GLRX5: variants seen among roughly 807,000 people sequenced by gnomAD.
GLRX5 encodes glutaredoxin 5, also known as glutaredoxin-related protein 5, mitochondrial.
GLRX5 carries 10 observed loss-of-function variants against 13.8 expected under a neutral mutation model. That is an observed-to-expected ratio of 0.72 (90% CI 0.45 to 1.23). The LOEUF (loss-of-function observed/expected upper bound fraction) is 1.23, where lower values mean the gene tolerates loss of function less well. Among genes scored for constraint, GLRX5 ranks in the 50% most tolerant of loss-of-function variants. GLRX5 has a pLI of 0.00. For missense variants in GLRX5, 233 were observed against 215.2 expected (o/e 1.08, Z -0.52); for synonymous variants, 98 against 101.1 (o/e 0.97, Z 0.18).
intron 1 of GLRX5, among the ~76,000 whole-genome samples, chr14:95,538,401 A>G (rs1478016876): frequency 2.6e-5 from 4 of 152,228 alleles, no homozygotes; most frequent in Admixed American, 2.6e-4. Context: ...AAATAACCAT[A>G]TCCTGTTGTT....
intron 1 of GLRX5, among the ~76,000 whole-genome samples, chr14:95,535,755 T>A (rs998343399): frequency 6.6e-6 from 1 of 152,138 alleles, no homozygotes; most frequent in Non-Finnish European, 1.5e-5. Context: ...AGGAAACTCA[T>A]AGTAAGGACC....
At chr14:95,543,200 T>G (rs1758189097) in intron 1 of GLRX5, 2 of 455,958 alleles carry the variant, frequency 4.4e-6, no homozygotes, top group Middle Eastern at 3.3e-4. Flanking sequence ...TTCATTAGAC[T>G]CACCAGTCAC....
intron 1 of GLRX5, among the ~76,000 whole-genome samples, chr14:95,535,900 G>A (rs1167359177): frequency 6.6e-6 from 1 of 152,212 alleles, no homozygotes; most frequent in African/African-American, 2.4e-5. Context: ...GTCGGAGGCT[G>A]ATCTCGCTTG....
intron 1 of GLRX5, among the ~76,000 whole-genome samples, chr14:95,538,420 A>T (rs1239238226): frequency 6.6e-6 from 1 of 152,254 alleles, no homozygotes; most frequent in Non-Finnish European, 1.5e-5. Flanking sequence ...TTGAATGTTT[A>T]TTAAGCATTT....
intron 1 of GLRX5, among the ~76,000 whole-genome samples, chr14:95,540,722 A>G (rs1419458857): frequency 6.6e-6 from 1 of 152,244 alleles, no homozygotes; most frequent in Non-Finnish European, 1.5e-5. Context: ...GTTGGAACTC[A>G]TATCAGATTC....
chr14:95,539,769 G>A (rs1475192703), intron 1 of GLRX5, among the ~76,000 whole-genome samples: 1 of 152,116 alleles, frequency 6.6e-6, no homozygotes, highest in African/African-American at 2.4e-5. Flanking sequence ...TTCATCTTAT[G>A]TAAAGTAGGG....
intron 1 of GLRX5, among the ~76,000 whole-genome samples, chr14:95,538,154 C>T (rs1232025731): frequency 1.3e-5 from 2 of 151,952 alleles, no homozygotes; most frequent in Non-Finnish European, 2.9e-5. Flanking sequence ...ATTTTGCCCT[C>T]CAGAGACGAG....
intron 1 of GLRX5, among the ~76,000 whole-genome samples, chr14:95,538,869 G>T (rs1010196967): frequency 1.3e-5 from 2 of 152,194 alleles, no homozygotes; most frequent in African/African-American, 2.4e-5. Flanking sequence ...CTTTAATTAC[G>T]AAGTAGACTG....
At chr14:95,542,986 G>A (rs1217641602) in intron 1 of GLRX5, 1 of 450,284 alleles carries the variant, frequency 2.2e-6, no homozygotes, top group Non-Finnish European at 4.5e-6. Context: ...TCATCCTTGT[G>A]GCTCAGAATT....
At chr14:95,543,868 TG>T in intron 1 of GLRX5, 78 bp from the exon 2 acceptor site, 1 of 1,261,440 alleles carries the variant, frequency 7.9e-7, no homozygotes, top group Non-Finnish European at 1.2e-6. Flanking sequence ...CTGCTACTAG[TG>T]GGTCAAAATT....
chr14:95,537,369 C>T lies in GLRX5; in HGVS notation c.295+1985C>T, dbSNP rs1027514400. Reference sequence around the variant, plus strand: ...GCGACAGGAATTTAACCCTTACATTCCTTGACCACTGAGTTTCATCAGATT... The same window carrying T: ...GCGACAGGAATTTAACCCTTACATTTCTTGACCACTGAGTTTCATCAGATT... On this transcript the variant is annotated intron_variant, in intron 1 of 1. Transcript: ENST00000331334. Among the ~76,000 whole-genome samples the T allele has an allele frequency of 8.5e-5, 13 of 152,338 alleles. 4 individuals carry two copies. Among genetic ancestry groups the T allele is most frequent in the Admixed American group, 6.5e-5 (1 of 15,304 alleles).
Position 95,535,353 on chromosome 14 carries a change from C to T in GLRX5, c.264C>T (p.Tyr88=), listed in dbSNP as rs1281360850. The T allele has an allele frequency of 1.3e-6, 2 of 1,553,228 alleles. No homozygotes were observed. The highest frequency in any genetic ancestry group is 2.0e-5 in the Admixed American group (1 of 51,158). The change falls in exon 1 of 2, where the codon TAC becomes TAT. Residue 88 remains tyrosine (Y), a synonymous_variant. Transcript: ENST00000331334. The part of the protein sequence containing the change: ...RLHGVRDYAA[Y]NVLDDPELRQ... ...ACGGCGTCCGCGATTACGCGGCCTA[C>T]AACGTGCTGGACGACCCGGAGCTCC... is the stretch of plus-strand genomic sequence containing the variant.
At chr14:95,536,820 ATAG>A (rs900904113) in intron 1 of GLRX5, among the ~76,000 whole-genome samples, 1 of 152,180 alleles carries the variant, frequency 6.6e-6, no homozygotes, top group African/African-American at 2.4e-5. Context: ...GCTGTAGGTG[ATAG>A]TGGTGGTGGG....
In GLRX5 at chr14:95,544,064, T is replaced by C; in HGVS notation, c.413T>C (p.Leu138Pro). The change falls in exon 2 of 2, where the codon CTG (leucine) becomes CCG (proline). Residue 138 changes from leucine to proline, a missense_variant. Leu to Pro is a moderately conservative substitution (Grantham distance 98, BLOSUM62 -3). Transcript: ENST00000331334. Reference protein sequence around the residue: ...MHQNGDLVEELKKLGIHSALL... With the variant: ...MHQNGDLVEEPKKLGIHSALL... ...CAGAATGGGGACTTGGTGGAAGAAC[T>C]GAAAAAGCTGGGGATCCACTCCGCC... is the stretch of plus-strand genomic sequence containing the variant. The C allele has an allele frequency of 3.7e-6, 6 of 1,614,068 alleles. No individual in the cohort carries two copies. Among genetic ancestry groups the C allele is most frequent in the Non-Finnish European group, 5.1e-6 (6 of 1,179,966 alleles).
chr14:95,535,463 C>A, intron 1 of GLRX5, 79 bp downstream of exon 1: 1 of 1,387,318 alleles, frequency 7.2e-7, no homozygotes, highest in South Asian at 1.3e-5. Flanking sequence ...GGTTCCGCCG[C>A]GCCGGGCTGG....
rs747226909 is a variant in GLRX5, at chr14:95,535,055, C to T, written c.-35C>T. 1.4e-5 allele frequency: 18 copies of T among 1,321,690 alleles called. No homozygotes were observed. Among genetic ancestry groups the T allele is most frequent in the South Asian group, 3.0e-5 (2 of 65,872 alleles). The allele number at this position is 1,321,690 out of a possible 1,614,324, so 81.9% of individuals were successfully genotyped here. On this transcript the variant is annotated 5_prime_UTR_variant, in exon 1 of 2. Transcript: ENST00000331334. Reference sequence around the variant, plus strand: ...AGCGCTCTGGGTGGCCAGCTGTGGGCCCGGGCCGTCGTGGGCTCCGGCTTG... The same window carrying T: ...AGCGCTCTGGGTGGCCAGCTGTGGGTCCGGGCCGTCGTGGGCTCCGGCTTG...
Position 95,538,832 on chromosome 14 carries a change from A to T in GLRX5, c.295+3448A>T, listed in dbSNP as rs77782477. On this transcript the variant is annotated intron_variant, in intron 1 of 1. Coordinates refer to ENST00000331334, the MANE Select transcript of GLRX5 (RefSeq NM_016417.3). The stretch of plus-strand genomic sequence containing the variant: ...TAGATGAATGAGCAGGCTGAGTTTC[A>T]ATAAAACTTTATTTATGAAAATACA... Among the ~76,000 whole-genome samples the T allele has an allele frequency of 1.7e-3, 265 of 152,342 alleles. 1 individual carries two copies. The highest frequency in any genetic ancestry group is 2.0e-3 in the Non-Finnish European group (138 of 68,038).
rs1411372308 is a variant in GLRX5, at chr14:95,535,177, C to T, written c.88C>T (p.Arg30Trp). ...CGGTGGCCTTTGGGGTCCGGGCGTG[C>T]GGGCGGCGGGCTCGGGCGCGGGCGG... is the stretch of plus-strand genomic sequence containing the variant. ...GGGGLWGPGV[R>W]AAGSGAGGGG... is the part of the protein sequence containing the mutation. The change falls in exon 1 of 2, where the codon CGG (arginine) becomes TGG (tryptophan). Residue 30 changes from arginine (R) to tryptophan (W), a missense_variant. By Grantham distance (101) the Arg-to-Trp change is moderately radical (BLOSUM62 -3). Transcript: ENST00000331334. 38 of 1,466,774 alleles carry T rather than the reference C, an allele frequency of 2.6e-5. No individual in the cohort carries two copies. The highest frequency in any genetic ancestry group is 3.0e-5 in the Non-Finnish European group (33 of 1,105,752). The allele number at this position is 1,466,774 out of a possible 1,614,324, so 90.9% of individuals were successfully genotyped here.
intron 1 of GLRX5, among the ~76,000 whole-genome samples, chr14:95,539,097 T>C (rs557601174): frequency 1.2e-4 from 19 of 152,222 alleles, no homozygotes; most frequent in Admixed American, 3.3e-4. Context: ...TATTGTGAAC[T>C]GCACATGTGA....
Sources: gnomAD v4.1 joint callset for allele counts (sites outside exome capture counted in the v4.1 genomes callset) on GRCh38, gnomAD v4.1.1 for gene constraint, MANE v1.5 for transcripts, NCBI Gene and HGNC (gene_info 2026-07-23, HGNC 2026-07-21) for gene names.